The following NUP210L variants were observed in gnomAD, a reference collection of about 807,000 sequenced individuals.
The protein encoded by NUP210L is nuclear pore membrane glycoprotein 210-like.
NUP210L carries 74 observed loss-of-function variants against 208.5 expected under a neutral mutation model. The observed-to-expected ratio is 0.35, with a 90% CI of 0.29 to 0.43. The LOEUF is 0.43. Among genes scored for constraint, NUP210L ranks in the 20% least tolerant of loss-of-function variants. The pLI is 1.00. For missense variants in NUP210L, 1,843 were observed against 2,289.4 expected, an observed-to-expected ratio of 0.81 and a Z score of 3.98; for synonymous variants, 780 against 816.9, an observed-to-expected ratio of 0.95 and a Z score of 0.77.
At chr1:154,009,314 A>G (rs905298885) in intron 35 of NUP210L, among the ~76,000 whole-genome samples, 1 of 152,080 alleles carries the variant, frequency 6.6e-6, no homozygotes, top group Non-Finnish European at 1.5e-5. Context: ...TGTTAATCCT[A>G]TTCTTTTATT....
At chr1:154,154,987 G>C (rs754452168) in exon 1 of NUP210L, 5 of 1,613,882 alleles carry the variant, frequency 3.1e-6, no homozygotes, top group Middle Eastern at 1.6e-4. Flanking sequence ...CGGTGTAGAC[G>C]CAAGAAGAAA....
chr1:154,111,656 C>A (rs1294755490), intron 12 of NUP210L, among the ~76,000 whole-genome samples: 1 of 151,384 alleles, frequency 6.6e-6, no homozygotes, highest in Admixed American at 6.6e-5. Context: ...AGTCTCCCAG[C>A]AAAACAAAGC....
intron 28 of NUP210L, 108 bp from the exon 29 acceptor site, chr1:154,027,705 A>C: frequency 1.5e-6 from 1 of 665,934 alleles, no homozygotes; most frequent in Non-Finnish European, 2.6e-6. Context: ...AATAAATGAC[A>C]ACTACGAATC....
In NUP210L at chr1:154,029,964, A is replaced by G. The variant is rs751796115; in HGVS notation, c.3787T>C (p.Cys1263Arg). 129 of 1,609,960 alleles carry G rather than the reference A, an allele frequency of 8.0e-5. No homozygotes were observed. The highest frequency in any genetic ancestry group is 9.6e-5 in the Non-Finnish European group (113 of 1,177,432). ...AACTGCCCAGAGGAACTGTTCATGCAGTGAACAGTGACCTTGATACTGGTC... is the reference window on the plus strand; with the variant it reads ...AACTGCCCAGAGGAACTGTTCATGCGGTGAACAGTGACCTTGATACTGGTC... Residue 1263 changes from cysteine (C) to arginine (R), a missense_variant, in exon 28 of 40, where the codon TGC (cysteine) becomes CGC (arginine). Cys to Arg is a radical substitution (Grantham distance 180). Around this residue, in one of 5 missense-constraint regions of NUP210L, gnomAD observed 781 missense variants for 973.8 expected, o/e 0.80. Transcript: ENST00000368559.
chr1:154,102,621 T>C (rs188288222), intron 13 of NUP210L, among the ~76,000 whole-genome samples: 2 of 152,236 alleles, frequency 1.3e-5, no homozygotes, highest in South Asian at 2.1e-4. Flanking sequence ...GTATAAAAAG[T>C]ATTCAGAACA....
chr1:154,057,540 A>G (rs1653930752), intron 22 of NUP210L, among the ~76,000 whole-genome samples: 1 of 152,152 alleles, frequency 6.6e-6, no homozygotes, highest in Admixed American at 6.6e-5. Flanking sequence ...TCAGAGGGGA[A>G]TACCAGTATG....
chr1:154,084,509 G>A (rs1180139793), intron 16 of NUP210L, among the ~76,000 whole-genome samples: 1 of 151,874 alleles, frequency 6.6e-6, no homozygotes, highest in Non-Finnish European at 1.5e-5. Flanking sequence ...ACCGCACCCG[G>A]CCTTAAATTT....
Position 154,139,963 on chromosome 1 carries a change from A to G in NUP210L, c.567-11T>C. 4 of 1,595,148 alleles carry G rather than the reference A, an allele frequency of 2.5e-6. No individual in the cohort carries two copies. The highest frequency in any genetic ancestry group is 3.4e-6 in the Non-Finnish European group (4 of 1,167,850). ...GAGTATTTAAGAATCCTAAAGACATAAAATAAAATGTGTTTCTAGCAGAAT... is the reference window on the plus strand; with the variant it reads ...GAGTATTTAAGAATCCTAAAGACATGAAATAAAATGTGTTTCTAGCAGAAT... On this transcript the variant is annotated splice_polypyrimidine_tract_variant and intron_variant, in intron 4 of 39. Coordinates refer to ENST00000368559, the Ensembl canonical transcript of NUP210L.
chr1:154,152,090 C>CAAA (rs745735321), intron 2 of NUP210L, among the ~76,000 whole-genome samples: 4 of 103,912 alleles, frequency 3.8e-5, no homozygotes, highest in Non-Finnish European at 7.7e-5. Flanking sequence ...AACTCCGTCT[C>CAAA]AAAAAAAAAA....
intron 35 of NUP210L, among the ~76,000 whole-genome samples, chr1:154,002,276 C>A (rs924445571): frequency 6.6e-6 from 1 of 151,948 alleles, no homozygotes; most frequent in Non-Finnish European, 1.5e-5. Context: ...AGCACAGTGG[C>A]GTGATCATGG....
At chr1:154,051,318 T>C (rs1437923958) in intron 25 of NUP210L, among the ~76,000 whole-genome samples, 2 of 152,160 alleles carry the variant, frequency 1.3e-5, no homozygotes, top group Non-Finnish European at 2.9e-5. Flanking sequence ...CACGCCATTC[T>C]CCTGCCTCAG....
intron 35 of NUP210L, among the ~76,000 whole-genome samples, chr1:154,005,632 G>A (rs142552985): frequency 0.019 from 2,945 of 152,066 alleles, 101 homozygotes; most frequent in African/African-American, 0.067. Context: ...TGCCTCCCGG[G>A]TTCAAGTGAT....
chr1:154,142,907 G>A (rs993819596), intron 3 of NUP210L, among the ~76,000 whole-genome samples: 4 of 146,178 alleles, frequency 2.7e-5, no homozygotes, highest in African/African-American at 1.0e-4. Context: ...AAAAGAAAGT[G>A]GCCAGGCGCG....
intron 8 of NUP210L, 133 bp from the exon 9 acceptor site, chr1:154,127,550 GTTCT>G (rs1658046352): frequency 1.2e-5 from 4 of 328,134 alleles, no homozygotes; most frequent in Non-Finnish European, 2.1e-5. Flanking sequence ...TCCAAAGTAG[GTTCT>G]TTTTTTTTTT....
exon 32 of NUP210L, chr1:154,022,180 G>T (rs1324813298): frequency 6.2e-7 from 1 of 1,614,106 alleles, no homozygotes; most frequent in Admixed American, 1.7e-5. Context: ...ACAAAGGTAA[G>T]CTTGGTGTCT....
exon 28 of NUP210L, chr1:154,030,043 C>T (rs1375887342): frequency 1.3e-6 from 2 of 1,588,480 alleles, no homozygotes; most frequent in Admixed American, 1.9e-5. Context: ...CTACTGGGAG[C>T]TGTAGAAAAA....
intron 6 of NUP210L, 142 bp from the exon 7 acceptor site, chr1:154,136,114 T>C: frequency 1.6e-6 from 1 of 641,388 alleles, no homozygotes; most frequent in Non-Finnish European, 2.7e-6. Flanking sequence ...CCTGCTATGA[T>C]GAATTTCTAC....
chr1:154,054,520 C>A, intron 24 of NUP210L, 113 bp from the exon 25 acceptor site: 1 of 963,880 alleles, frequency 1.0e-6, no homozygotes, highest in Admixed American at 2.3e-5. Context: ...ATTTCTTGAA[C>A]AACATATCCC....
chr1:153,995,995 C>A, intron 37 of NUP210L: 1 of 384,096 alleles, frequency 2.6e-6, no homozygotes, highest in Non-Finnish European at 5.0e-6. Context: ...AATGAGGAGA[C>A]TTAAAAAAAA....
Sources: gnomAD v4.1 joint callset for allele counts (sites outside exome capture counted in the v4.1 genomes callset) on GRCh38, gnomAD v4.1.1 for gene constraint, gnomAD v4.1.1 regional missense constraint, MANE v1.5 for transcripts, NCBI Gene and HGNC (gene_info 2026-07-23, HGNC 2026-07-21) for gene names.